The following MIR2052HG variants were observed in gnomAD, a reference collection of about 807,000 sequenced individuals.
MIR2052HG encodes the protein MIR2052 host gene.
chr8:74,674,649 T>C (rs549099931), intron 2 of MIR2052HG, among the ~76,000 whole-genome samples: 1 of 152,036 alleles, frequency 6.6e-6, no homozygotes, highest in South Asian at 2.1e-4. Flanking sequence ...TAGATCTCTC[T>C]CATATTCTGA....
At chr8:74,639,410 A>G (rs1003888001) in intron 2 of MIR2052HG, among the ~76,000 whole-genome samples, 4 of 152,152 alleles carry the variant, frequency 2.6e-5, no homozygotes, top group Admixed American at 6.5e-5. Flanking sequence ...TCATTTGGGC[A>G]TACATATCCT....
chr8:74,743,252 G>A (rs1342537510), intron 4 of MIR2052HG, among the ~76,000 whole-genome samples: 1 of 152,014 alleles, frequency 6.6e-6, no homozygotes, highest in Non-Finnish European at 1.5e-5. Flanking sequence ...AAATCCCCAG[G>A]TGTTATAAGA....
intron 1 of MIR2052HG, among the ~76,000 whole-genome samples, chr8:74,601,164 ATTT>A (rs1807994730): frequency 6.6e-6 from 1 of 152,184 alleles, no homozygotes; most frequent in Non-Finnish European, 1.5e-5. Context: ...AATTATTTGT[ATTT>A]ATATAAGCAT....
chr8:74,610,863 A>G (rs1284560896), intron 1 of MIR2052HG, among the ~76,000 whole-genome samples: 1 of 152,054 alleles, frequency 6.6e-6, no homozygotes, highest in Admixed American at 6.5e-5. Flanking sequence ...GAAATTATAG[A>G]CCAAAAAGTA....
chr8:74,704,388 G>A lies in MIR2052HG; in HGVS notation n.371+706G>A, dbSNP rs185383049. ...CTAACATCCATGTGTGCCAAAGATAGATGGAGTCTTTCCAGGCACTAACTA... is the reference window on the plus strand; with the variant it reads ...CTAACATCCATGTGTGCCAAAGATAAATGGAGTCTTTCCAGGCACTAACTA... On this transcript the variant is annotated intron_variant and non_coding_transcript_variant, in intron 4 of 6. Coordinates refer to ENST00000523442, the Ensembl canonical transcript of MIR2052HG. 7.2e-4 allele frequency among the ~76,000 whole-genome samples: 110 copies of A among 152,148 alleles called. 1 individual carries two copies. Among genetic ancestry groups the A allele is most frequent in the African/African-American group, 2.6e-3 (107 of 41,532 alleles).
At chr8:74,625,582 T>C (rs534575018) in intron 2 of MIR2052HG, among the ~76,000 whole-genome samples, 2 of 152,324 alleles carry the variant, frequency 1.3e-5, no homozygotes, top group South Asian at 4.1e-4. Context: ...CTTCTGTTTC[T>C]ATTTTAGAGA....
chr8:74,641,080 C>T (rs1008182022), intron 2 of MIR2052HG, among the ~76,000 whole-genome samples: 3 of 151,950 alleles, frequency 2.0e-5, no homozygotes, highest in Admixed American at 1.3e-4. Flanking sequence ...AGGGTGAGTA[C>T]GATAATTACA....
chr8:74,630,655 G>A (rs1808497711), intron 2 of MIR2052HG, among the ~76,000 whole-genome samples: 1 of 152,144 alleles, frequency 6.6e-6, no homozygotes, highest in Non-Finnish European at 1.5e-5. Context: ...TCTGGAAACT[G>A]AAGGACAAAA....
intron 2 of MIR2052HG, among the ~76,000 whole-genome samples, chr8:74,645,576 C>A (rs1185994839): frequency 6.6e-6 from 1 of 152,166 alleles, no homozygotes; most frequent in Non-Finnish European, 1.5e-5. Context: ...CGAGCCACTG[C>A]GCCCGGCCTA....
chr8:74,677,310 A>T (rs1039278609), intron 2 of MIR2052HG, among the ~76,000 whole-genome samples: 2 of 152,062 alleles, frequency 1.3e-5, no homozygotes, highest in African/African-American at 4.8e-5. Flanking sequence ...AAAAAACTTG[A>T]ACATCATAAT....
At chr8:74,757,525 A>C (rs113976782) in intron 5 of MIR2052HG, 2 of 152,252 alleles carry the variant, frequency 1.3e-5, no homozygotes, top group Admixed American at 6.5e-5. Flanking sequence ...GAATTATTTC[A>C]TTTAATCCTC....
chr8:74,602,876 T>TCCTTTC (rs1554570015), intron 1 of MIR2052HG, among the ~76,000 whole-genome samples: 2 of 137,182 alleles, frequency 1.5e-5, no homozygotes, highest in Admixed American at 7.5e-5. Context: ...TTTCTTTCTT[T>TCCTTTC]TTTCTATTCA....
At chr8:74,729,947 T>C (rs1350293505) in intron 4 of MIR2052HG, among the ~76,000 whole-genome samples, 1 of 152,100 alleles carries the variant, frequency 6.6e-6, no homozygotes, top group African/African-American at 2.4e-5. Flanking sequence ...GGAAAAGAAA[T>C]AATTAGTGAG....
rs541661521 is a variant in MIR2052HG, at chr8:74,723,994, G to C, written n.371+20312G>C. On this transcript the variant is annotated intron_variant and non_coding_transcript_variant, in intron 4 of 6. Transcript: ENST00000523442. ...AGACTCCCCAGCATTTAAACTTTCA[G>C]GGATATTTTATCATCCAGCAATTAA... Among the ~76,000 whole-genome samples, 22 of 152,268 alleles carry C rather than the reference G, an allele frequency of 1.4e-4. No homozygotes were observed. In the South Asian group the frequency reaches 1.5e-3, roughly 10 times the overall value.
At chr8:74,680,980 G>A (rs1289603239) in intron 2 of MIR2052HG, among the ~76,000 whole-genome samples, 2 of 147,078 alleles carry the variant, frequency 1.4e-5, no homozygotes, top group African/African-American at 2.5e-5. Context: ...ACCAAACACC[G>A]CATATTCTCA....
Position 74,644,755 on chromosome 8 carries a change from G to T in MIR2052HG, n.216+31815G>T, listed in dbSNP as rs937154174. On this transcript the variant is annotated intron_variant and non_coding_transcript_variant, in intron 2 of 6. Coordinates refer to ENST00000523442, the Ensembl canonical transcript of MIR2052HG. ...TAAATAAATAAATTAGCCGGGCATG[G>T]TGGTGCATGCCTGTGGTCCCAGCTA... Among the ~76,000 whole-genome samples, 7 of 152,186 alleles carry T rather than the reference G, an allele frequency of 4.6e-5. No individual in the cohort carries two copies. The East Asian group carries it at 5.8e-4, about 13-fold the overall frequency.
intron 2 of MIR2052HG, among the ~76,000 whole-genome samples, chr8:74,695,656 A>G (rs893072907): frequency 5.3e-5 from 8 of 152,144 alleles, no homozygotes; most frequent in African/African-American, 1.9e-4. Context: ...GAGCAGGAGT[A>G]GCTATTCTTA....
At chr8:74,713,095 A>G (rs1451948653) in intron 4 of MIR2052HG, among the ~76,000 whole-genome samples, 2 of 152,190 alleles carry the variant, frequency 1.3e-5, no homozygotes, top group Admixed American at 1.3e-4. Flanking sequence ...ATGTTAGTCA[A>G]TGTTAATACT....
At chr8:74,680,693 T>C (rs1020757856) in intron 2 of MIR2052HG, among the ~76,000 whole-genome samples, 3 of 152,102 alleles carry the variant, frequency 2.0e-5, no homozygotes, top group African/African-American at 4.8e-5. Context: ...TACCATTTGA[T>C]CCAGCCATCC....
Sources: gnomAD v4.1 joint callset for allele counts (sites outside exome capture counted in the v4.1 genomes callset) on GRCh38, gnomAD v4.1.1 for gene constraint, MANE v1.5 for transcripts, NCBI Gene and HGNC (gene_info 2026-07-23, HGNC 2026-07-21) for gene names.